Variants in UNC80 observed in about 807,000 individuals in gnomAD.
UNC80 encodes protein unc-80 homolog.
Under a neutral mutation model 384.6 loss-of-function variants are expected in UNC80, and 164 were observed. That is an observed-to-expected ratio of 0.43 (90% CI 0.38 to 0.49). UNC80 has a LOEUF of 0.49. Ranked by LOEUF, UNC80 falls within the 20% of genes least tolerant of loss-of-function variation. UNC80 has a pLI of 0.00. For missense variants in UNC80, 3,330 were observed against 4,143.0 expected, an observed-to-expected ratio of 0.80 and a Z score of 5.39; for synonymous variants, 1,486 against 1,527.8, an observed-to-expected ratio of 0.97 and a Z score of 0.64.
At chr2:209,896,460 A>G (rs1314234689) in intron 28 of UNC80, 47 bp downstream of exon 28, 1 of 1,442,860 alleles carries the variant, frequency 6.9e-7, no homozygotes, top group Non-Finnish European at 9.5e-7. Context: ...TTCTTTTGGC[A>G]CTGGGGAAGA....
intron 34 of UNC80, 68 bp from the exon 35 acceptor site, chr2:209,922,184 C>T: frequency 6.6e-7 from 1 of 1,519,904 alleles, no homozygotes; most frequent in East Asian, 2.5e-5. Flanking sequence ...TGTGATACAA[C>T]AACAATGTGA....
chr2:209,934,072 T>C, intron 39 of UNC80, 67 bp downstream of exon 39: 1 of 1,371,174 alleles, frequency 7.3e-7, no homozygotes, highest in Non-Finnish European at 9.7e-7. Flanking sequence ...TTTGAAAGAC[T>C]AAGAGTCTCT....
At chr2:209,911,972 G>T (rs986216050) in intron 29 of UNC80, among the ~76,000 whole-genome samples, 3 of 152,168 alleles carry the variant, frequency 2.0e-5, no homozygotes, top group African/African-American at 7.2e-5. Context: ...TTTTTGAAAA[G>T]AAATCATTTT....
chr2:209,883,093 A>G (rs1369649293), intron 25 of UNC80, among the ~76,000 whole-genome samples: 2 of 152,164 alleles, frequency 1.3e-5, no homozygotes, highest in Admixed American at 1.3e-4. Flanking sequence ...TTTATAACAT[A>G]AAGAGGGAAA....
intron 4 of UNC80, among the ~76,000 whole-genome samples, chr2:209,782,787 AT>A (rs1257610735): frequency 6.6e-6 from 1 of 152,114 alleles, no homozygotes; most frequent in East Asian, 1.9e-4. Context: ...ATCCTGTTTA[AT>A]ATATTATTAA....
intron 22 of UNC80, among the ~76,000 whole-genome samples, chr2:209,851,153 AAAAG>A (rs150717252): frequency 0.16 from 24,783 of 151,950 alleles, 2,630 homozygotes; most frequent in African/African-American, 0.3. Flanking sequence ...AAAAAAAGGA[AAAAG>A]AAATACCTAT....
At chr2:209,881,520 G>A (rs1488674604) in intron 25 of UNC80, among the ~76,000 whole-genome samples, 4 of 152,018 alleles carry the variant, frequency 2.6e-5, no homozygotes, top group Non-Finnish European at 4.4e-5. Flanking sequence ...ATGGTTGAAA[G>A]TACTCCAGTA....
At chr2:209,967,064 A>G (rs974658321) in intron 51 of UNC80, among the ~76,000 whole-genome samples, 1 of 152,192 alleles carries the variant, frequency 6.6e-6, no homozygotes, top group Non-Finnish European at 1.5e-5. Flanking sequence ...ATATGCATAT[A>G]TGTCATATTT....
chr2:209,837,695 G>C (rs1050007290), intron 18 of UNC80, among the ~76,000 whole-genome samples: 1 of 151,614 alleles, frequency 6.6e-6, no homozygotes, highest in East Asian at 1.9e-4. Flanking sequence ...CCGTGGTGTT[G>C]AACATTTAGA....
Position 209,772,163 on chromosome 2 carries a change from A to G in UNC80, c.91A>G (p.Ser31Gly), listed in dbSNP as rs1015468442. Reference sequence around the variant, plus strand: ...CCAGACCTTCCTGTGGCGGCAAACCAGGTGAGGGGCGCAGAGGGCGCACCG... The same window carrying G: ...CCAGACCTTCCTGTGGCGGCAAACCGGGTGAGGGGCGCAGAGGGCGCACCG... ...PIQTFLWRQT[S>G]AFLRPKLGKQ... Residue 31 changes from serine to glycine, a missense_variant and splice_region_variant, in exon 1 of 65, where the codon AGT (serine) becomes GGT (glycine). Transcript: ENST00000673920. 15 of 1,540,418 alleles carry G rather than the reference A, an allele frequency of 9.7e-6. No homozygotes were observed. The highest frequency in any genetic ancestry group is 1.3e-5 in the Non-Finnish European group (15 of 1,142,268).
chr2:209,938,863 CT>C (rs1443050689), intron 42 of UNC80, among the ~76,000 whole-genome samples: 1 of 152,128 alleles, frequency 6.6e-6, no homozygotes, highest in African/African-American at 2.4e-5. Flanking sequence ...ACATGGAGGC[CT>C]ATGAGTCTGG....
intron 51 of UNC80, among the ~76,000 whole-genome samples, chr2:209,960,527 C>T (rs1468740): frequency 0.3 from 45,252 of 152,046 alleles, 8,296 homozygotes; most frequent in African/African-American, 0.52. Context: ...GAAATTTTAA[C>T]GTATCTATAA....
chr2:209,890,897 G>A (rs1244318751), intron 26 of UNC80, among the ~76,000 whole-genome samples: 1 of 152,134 alleles, frequency 6.6e-6, no homozygotes, highest in Non-Finnish European at 1.5e-5. Context: ...GTTTTAAGTT[G>A]CCCTCTAGAG....
chr2:209,935,951 A>G (rs1410310032), intron 40 of UNC80, 143 bp downstream of exon 40: 5 of 554,692 alleles, frequency 9.0e-6, no homozygotes, highest in Non-Finnish European at 1.6e-5. Context: ...CTGCCCCACT[A>G]TTATTTCCTT....
chr2:209,987,548 C>T (rs907508237), intron 61 of UNC80, among the ~76,000 whole-genome samples: 5 of 152,040 alleles, frequency 3.3e-5, no homozygotes, highest in Non-Finnish European at 7.4e-5. Context: ...TGTTTTCTCT[C>T]CAGAAGAATA....
intron 28 of UNC80, among the ~76,000 whole-genome samples, chr2:209,897,029 C>G (rs1437032772): frequency 6.6e-6 from 1 of 152,046 alleles, no homozygotes; most frequent in African/African-American, 2.4e-5. Flanking sequence ...ACCATTCACC[C>G]TGATTTTAAT....
At chr2:209,985,191 G>T (rs1270794612) in intron 61 of UNC80, among the ~76,000 whole-genome samples, 1 of 152,152 alleles carries the variant, frequency 6.6e-6, no homozygotes, top group Non-Finnish European at 1.5e-5. Context: ...TCCCACGGAT[G>T]TCTAAAAAGT....
Position 209,850,025 on chromosome 2 carries a change from T to C in UNC80, c.3627+402T>C, listed in dbSNP as rs560220630. Among the ~76,000 whole-genome samples, 21 of 152,158 alleles carry C rather than the reference T, an allele frequency of 1.4e-4. No individual in the cohort carries two copies. The South Asian group carries it at 3.9e-3, about 29-fold the overall frequency. ...GGAACTACACAATAAAGTGGGCCAT[T>C]ATTATTATATTATTGGTCTTATGTC... On this transcript the variant is annotated intron_variant, in intron 22 of 64. Coordinates refer to ENST00000673920, the MANE Select transcript of UNC80 (RefSeq NM_001371986.1).
chr2:209,883,026 T>C (rs2085436177), intron 25 of UNC80, among the ~76,000 whole-genome samples: 1 of 152,212 alleles, frequency 6.6e-6, no homozygotes, highest in African/African-American at 2.4e-5. Context: ...TTTTATTCAT[T>C]ACACTAGGAT....
Sources: allele counts gnomAD v4.1 joint callset (sites outside exome capture counted in the v4.1 genomes callset), GRCh38; gene constraint gnomAD v4.1.1; transcripts MANE v1.5; gene names NCBI Gene and HGNC (gene_info 2026-07-23, HGNC 2026-07-21).